Variants in AXIN1 observed in about 807,000 individuals in gnomAD.
AXIN1 encodes axin-1.
In AXIN1, 30 loss-of-function variants were observed where a neutral mutation model predicts 76.4. That is an observed-to-expected ratio of 0.39 (90% confidence interval 0.29 to 0.53). The LOEUF (loss-of-function observed/expected upper bound fraction) is 0.53, where lower values mean the gene tolerates loss of function less well. Among genes scored for constraint, AXIN1 ranks in the 20% least tolerant of loss-of-function variants. The probability of loss-of-function intolerance (pLI) is 0.66; values close to 1 mark genes in which losing one functional copy is unlikely to be tolerated. For synonymous variants in AXIN1, 545 were observed against 501.4 expected, an observed-to-expected ratio of 1.09 and a Z score of -1.16; for missense variants, 1,140 against 1,198.8, an observed-to-expected ratio of 0.95 and a Z score of 0.72.
intron 2 of AXIN1, among the ~76,000 whole-genome samples, chr16:318,659 G>A (rs565304562): frequency 1.1e-4 from 17 of 152,328 alleles, no homozygotes; most frequent in Middle Eastern, 6.8e-3. Context: ...ATGTGCTCGC[G>A]TGCCTGCCTG....
At chr16:297,651 G>T (rs2052750515) in intron 6 of AXIN1, 71 bp downstream of exon 6, 1 of 1,473,988 alleles carries the variant, frequency 6.8e-7, no homozygotes, top group Non-Finnish European at 9.0e-7. Flanking sequence ...AGTTTTATGA[G>T]GAGGTTCTGG....
In AXIN1 at chr16:289,610, G is replaced by A. The variant is rs1430847962; in HGVS notation, c.2295-3C>T. 1.2e-6 allele frequency: 2 copies of A among 1,612,660 alleles called. No homozygotes were observed. The highest frequency in any genetic ancestry group is 1.1e-5 in the South Asian group (1 of 91,062). On this transcript the variant is annotated splice_region_variant and splice_polypyrimidine_tract_variant and intron_variant, in intron 9 of 10. Transcript: ENST00000262320. ...CCACCTTCCTCTGCGATCTTGTCCT[G>A]GGGAAAGAGATGCAGCGGTGGTACC...
At chr16:311,561 G>A (rs1224643671) in intron 3 of AXIN1, among the ~76,000 whole-genome samples, 1 of 151,498 alleles carries the variant, frequency 6.6e-6, no homozygotes, top group Non-Finnish European at 1.5e-5. Context: ...CACGAGGTCA[G>A]GAGATCGAGA....
At chr16:348,173 C>T (rs542984868) in intron 1 of AXIN1, among the ~76,000 whole-genome samples, 1 of 152,320 alleles carries the variant, frequency 6.6e-6, no homozygotes, top group East Asian at 1.9e-4. Context: ...CTTCCTGCCA[C>T]GTCCTACAGG....
intron 2 of AXIN1, among the ~76,000 whole-genome samples, chr16:323,174 T>C (rs778755888): frequency 4.6e-5 from 7 of 152,090 alleles, no homozygotes; most frequent in Admixed American, 3.3e-4. Context: ...GCGCGGTGGC[T>C]CATGCCTGTA....
At chr16:304,564 T>G in intron 4 of AXIN1, 123 bp from the exon 5 acceptor site, 1 of 1,443,516 alleles carries the variant, frequency 6.9e-7, no homozygotes, top group Non-Finnish European at 9.4e-7. Flanking sequence ...AGACAAACTC[T>G]TGCTCTGTCA....
rs377446202 is a variant in AXIN1 at position 346,915 on chromosome 16, C to G, written c.111G>C (p.Pro37=). 1.9e-6 allele frequency: 3 copies of G among 1,613,902 alleles called. No individual in the cohort carries two copies. The African/African-American group carries it at 4.0e-5, about 22-fold the overall frequency. ...AGCAGAAACTGTAGCTGGCGGGCCT[C>G]GGGTCTGTGGACACCAGTTCTCCCT... ...GEEGELVSTD[P]RPASYSFCSG... Residue 37 remains proline, a synonymous_variant, in exon 2 of 11, where the codon CCG becomes CCC. Transcript: ENST00000262320.
intron 2 of AXIN1, among the ~76,000 whole-genome samples, chr16:336,816 CAAA>C (rs57147459): frequency 2.6e-5 from 2 of 77,072 alleles, no homozygotes; most frequent in Non-Finnish European, 2.5e-5. Context: ...GACTCCGCCT[CAAA>C]AAAAAAAAAA....
At chr16:329,270 GT>G (rs1172709407) in intron 2 of AXIN1, among the ~76,000 whole-genome samples, 2 of 59,964 alleles carry the variant, frequency 3.3e-5, no homozygotes, top group Non-Finnish European at 5.6e-5. Context: ...GAGCGAGACT[GT>G]CAAAAAAAAA....
intron 5 of AXIN1, among the ~76,000 whole-genome samples, chr16:303,188 A>ATTC (rs1455905838): frequency 1.3e-5 from 2 of 151,896 alleles, no homozygotes; most frequent in Non-Finnish European, 1.5e-5. Flanking sequence ...AAGTGAGACG[A>ATTC]CCAGGTGGGA....
rs2141476799 is a variant in AXIN1 at position 291,299 on chromosome 16, T to C, written c.2187-2A>G. On this transcript the variant is annotated splice_acceptor_variant, in intron 8 of 10. Transcript: ENST00000262320. LOFTEE classifies it high-confidence loss of function. ...CGCCGCATAACCTCCTGCACATACC[T>C]AGGGAACAACCCGCGTCAAAGGTGG... 2.5e-6 allele frequency: 4 copies of C among 1,573,614 alleles called. No individual in the cohort carries two copies. The highest frequency in any genetic ancestry group is 1.9e-5 in the Admixed American group (1 of 53,196).
At chr16:318,661 G>A (rs1476271993) in intron 2 of AXIN1, among the ~76,000 whole-genome samples, 1 of 152,212 alleles carries the variant, frequency 6.6e-6, no homozygotes, top group Non-Finnish European at 1.5e-5. Flanking sequence ...GTGCTCGCGT[G>A]CCTGCCTGTG....
chr16:342,195 G>A (rs908042960), intron 2 of AXIN1, among the ~76,000 whole-genome samples: 10 of 151,882 alleles, frequency 6.6e-5, no homozygotes, highest in Non-Finnish European at 1.2e-4. Flanking sequence ...AACACTCACC[G>A]CGAAGATCTG....
At chr16:312,885 G>T (rs991590146) in intron 3 of AXIN1, among the ~76,000 whole-genome samples, 2 of 152,224 alleles carry the variant, frequency 1.3e-5, no homozygotes, top group African/African-American at 4.8e-5. Context: ...TTTAAAGACA[G>T]GCAAATGAAA....
At position 289,460 on chromosome 16, in the gene AXIN1, C is replaced by G. The variant is rs2052489730; in HGVS notation, c.2442G>C (p.Leu814=). The change falls in exon 10 of 11, where the codon CTG becomes CTC. Residue 814 remains leucine, a synonymous_variant. Coordinates refer to ENST00000262320, the MANE Select transcript of AXIN1 (RefSeq NM_003502.4). ...AVTLGQFKEL[L]TKKGSYRYYF... is the part of the protein sequence containing the mutation. ...CTCACCTGTAGCTGCCCTTTTTGGT[C>G]AGCAGCTCCTTGAACTGGCCCAGGG... is the stretch of plus-strand genomic sequence containing the variant. 1 of 1,612,918 alleles carries G rather than the reference C, an allele frequency of 6.2e-7. No individual in the cohort carries two copies. The highest frequency in any genetic ancestry group is 8.5e-7 in the Non-Finnish European group (1 of 1,180,000).
chr16:297,257 G>A (rs117820439), intron 6 of AXIN1, 31 bp from the exon 7 acceptor site: 1 of 1,600,844 alleles, frequency 6.2e-7, no homozygotes, highest in Non-Finnish European at 8.5e-7. Context: ...AGTCGCCCTG[G>A]CCTCCGGTGG....
In AXIN1 at chr16:352,424, T is replaced by C. The variant is rs1365226664; in HGVS notation, c.-137A>G. On this transcript the variant is annotated 5_prime_UTR_variant, in exon 1 of 11. Transcript: ENST00000262320. ...CGGCTCCCGGAGCGGCGCGGCGCGG[T>C]CCGGGCCCATGCGCTCAGCGGCAGC... The C allele has an allele frequency of 0.013, 102 of 7,606 alleles. No individual in the cohort carries two copies. The highest frequency in any genetic ancestry group is 0.025 in the South Asian group (4 of 160). 0.5% of individuals were successfully genotyped at this position (7,606 alleles called of 1,614,324 possible). A position where few individuals can be genotyped will look rare whatever the true frequency, so the allele number is the denominator to read the frequency against.
rs575803503 is a variant in AXIN1 at position 297,280 on chromosome 16, C to T, written c.1785-54G>A. 143 of 1,596,710 alleles carry T rather than the reference C, an allele frequency of 9.0e-5. No homozygotes were observed. The African/African-American group carries it at 1.6e-3, about 18-fold the overall frequency. ...TGGCCTCCGGTGGCCGAGGCTGTGCCCCTTCCTCGTCTGCGAGGCCCCCTC... is the reference window on the plus strand; with the variant it reads ...TGGCCTCCGGTGGCCGAGGCTGTGCTCCTTCCTCGTCTGCGAGGCCCCCTC... On this transcript the variant is annotated intron_variant, in intron 6 of 10. Coordinates refer to ENST00000262320, the MANE Select transcript of AXIN1 (RefSeq NM_003502.4).
rs550233937 is a variant in AXIN1, at chr16:303,839, G to T, written c.1254+465C>A. ...AAGTGCCTAGAGGGCCGTGCACCATGGCCTCAAGGAACCAAAAGTGACCAG... is the reference window on the plus strand; with the variant it reads ...AAGTGCCTAGAGGGCCGTGCACCATTGCCTCAAGGAACCAAAAGTGACCAG... On this transcript the variant is annotated intron_variant, in intron 5 of 10. Transcript: ENST00000262320. Among the ~76,000 whole-genome samples, 695 of 152,310 alleles carry T rather than the reference G, an allele frequency of 4.6e-3. 6 individuals carry two copies. Among genetic ancestry groups the T allele is most frequent in the South Asian group, 0.016 (76 of 4,830 alleles).
Sources: gnomAD v4.1 joint callset for allele counts (sites outside exome capture counted in the v4.1 genomes callset) on GRCh38, gnomAD v4.1.1 for gene constraint, MANE v1.5 for transcripts, NCBI Gene and HGNC (gene_info 2026-07-23, HGNC 2026-07-21) for gene names.